ANK2: variants seen among roughly 807,000 people sequenced by gnomAD.
The protein encoded by ANK2 is ankyrin-2.
Under a neutral mutation model 360.5 loss-of-function variants are expected in ANK2, and 83 were observed. That is an observed-to-expected ratio of 0.23 (90% confidence interval 0.19 to 0.28). The LOEUF is 0.28. Ranked by LOEUF, ANK2 falls within the 10% of genes least tolerant of loss-of-function variation. ANK2 has a pLI of 1.00. For synonymous variants in ANK2, 1,740 were observed against 1,759.5 expected, an observed-to-expected ratio of 0.99 and a Z score of 0.28; for missense variants, 4,201 against 4,795.7, an observed-to-expected ratio of 0.88 and a Z score of 3.66.
chr4:113,372,529 C>T (rs911427256), intron 43 of ANK2: 2 of 1,529,438 alleles, frequency 1.3e-6, no homozygotes, highest in Non-Finnish European at 1.8e-6. Flanking sequence ...CATGCTTCCA[C>T]CAGGAGCTAA....
intron 2 of ANK2, among the ~76,000 whole-genome samples, chr4:112,919,423 G>A (rs753271686): frequency 2.6e-5 from 4 of 151,792 alleles, no homozygotes; most frequent in Non-Finnish European, 4.4e-5. Context: ...CATTAGTGTC[G>A]GTTGAAGTCC....
rs1554193694 is a variant in ANK2 at position 113,152,079 on chromosome 4, GAAAAAAA to G, written c.85-22328_85-22322del. 9.0e-4 allele frequency among the ~76,000 whole-genome samples: 23 copies of G among 25,500 alleles called. No homozygotes were observed. In the Middle Eastern group the frequency reaches 0.061, roughly 67 times the overall value. The allele number at this position is 25,500 out of a possible 152,430, so 16.7% of individuals were successfully genotyped here. On this transcript the variant is annotated intron_variant, in intron 1 of 45. Transcript: ENST00000357077. ...AGTCTCTGTCTCAAAAAAAAAAAAA[GAAAAAAA>G]AAAAAAAAGAAAAAAGAAGGAAAGA...
rs151120294 is a variant in ANK2, at chr4:113,160,144, C to T, written c.85-14272C>T. On this transcript the variant is annotated intron_variant, in intron 1 of 45. Transcript: ENST00000357077. ...CTTCAGCTGTATGATAGTAATGATACAGACACACTTTACTCATTAACCCTT... is the reference window on the plus strand; with the variant it reads ...CTTCAGCTGTATGATAGTAATGATATAGACACACTTTACTCATTAACCCTT... Among the ~76,000 whole-genome samples, 207 of 152,220 alleles carry T rather than the reference C, an allele frequency of 1.4e-3. 3 individuals carry two copies. The highest frequency in any genetic ancestry group is 4.4e-3 in the African/African-American group (183 of 41,540).
At chr4:113,237,725 A>C in intron 7 of ANK2, 103 bp downstream of exon 7, 1 of 1,082,630 alleles carries the variant, frequency 9.2e-7, no homozygotes, top group Non-Finnish European at 1.4e-6. Flanking sequence ...TAGAAGTTTG[A>C]TTAATGGGAA....
At chr4:113,058,637 G>A (rs2071403019) in intron 1 of ANK2, among the ~76,000 whole-genome samples, 1 of 152,052 alleles carries the variant, frequency 6.6e-6, no homozygotes, top group South Asian at 2.1e-4. Flanking sequence ...AGGGTATGGT[G>A]GCGGGATGCC....
intron 4 of ANK2, among the ~76,000 whole-genome samples, chr4:113,205,051 C>T (rs1378601785): frequency 5.3e-5 from 8 of 151,970 alleles, no homozygotes; most frequent in Non-Finnish European, 1.2e-4. Flanking sequence ...CTGGCTAACA[C>T]GGTGAAACCC....
At chr4:112,743,327 G>A in the ANK2 span, among the ~76,000 whole-genome samples, 2 of 151,696 alleles carry the variant, frequency 1.3e-5, no homozygotes, top group African/African-American at 2.4e-5. Context: ...TACAATATTG[G>A]TTTTTCACAT....
chr4:113,130,001 CTTCTT>C (rs2095908858), intron 1 of ANK2, among the ~76,000 whole-genome samples: 1 of 152,148 alleles, frequency 6.6e-6, no homozygotes, highest in Non-Finnish European at 1.5e-5. Flanking sequence ...ATAACTGTCT[CTTCTT>C]CCACTTCTTT....
chr4:112,726,320 A>G, the ANK2 span, among the ~76,000 whole-genome samples: 4 of 152,168 alleles, frequency 2.6e-5, no homozygotes, highest in African/African-American at 9.7e-5. Context: ...AATAAAATGT[A>G]GGTATTATAT....
chr4:113,209,450 C>T (rs1010429257), intron 4 of ANK2, among the ~76,000 whole-genome samples: 3 of 151,804 alleles, frequency 2.0e-5, no homozygotes, highest in Non-Finnish European at 4.4e-5. Flanking sequence ...TTTTGTAGGC[C>T]CTCTGAACGG....
At chr4:113,334,217 C>T (rs1433128613) in intron 29 of ANK2, among the ~76,000 whole-genome samples, 1 of 152,140 alleles carries the variant, frequency 6.6e-6, no homozygotes. Context: ...AGAGGCCAGG[C>T]TTATCTTATC....
the ANK2 span, among the ~76,000 whole-genome samples, chr4:112,783,979 G>T: frequency 6.6e-6 from 1 of 151,950 alleles, no homozygotes; most frequent in Non-Finnish European, 1.5e-5. Flanking sequence ...ACGTATTGTG[G>T]TATACTCATA....
intron 1 of ANK2, among the ~76,000 whole-genome samples, chr4:112,850,249 C>CATCCATCT (rs1437200079): frequency 6.4e-4 from 89 of 139,352 alleles, no homozygotes; most frequent in African/African-American, 2.2e-3. Context: ...TAAGAAATTT[C>CATCCATCT]ATCTATCTAT....
At chr4:113,082,831 A>C (rs2082949351) in intron 1 of ANK2, among the ~76,000 whole-genome samples, 1 of 152,190 alleles carries the variant, frequency 6.6e-6, no homozygotes, top group African/African-American at 2.4e-5. Flanking sequence ...TTATATATTT[A>C]GTGTTCATTT....
At chr4:112,766,072 T>A in the ANK2 span, among the ~76,000 whole-genome samples, 3 of 152,182 alleles carry the variant, frequency 2.0e-5, no homozygotes, top group East Asian at 3.8e-4. Context: ...CAGTGGTTCA[T>A]GCCTGTAATT....
chr4:113,216,360 A>G (rs961364901), intron 4 of ANK2, among the ~76,000 whole-genome samples: 2 of 152,226 alleles, frequency 1.3e-5, no homozygotes, highest in Non-Finnish European at 2.9e-5. Context: ...GGGAAGCACT[A>G]TATATTGACA....
chr4:112,825,518 G>A (rs1398642200), intron 1 of ANK2, among the ~76,000 whole-genome samples: 2 of 152,120 alleles, frequency 1.3e-5, no homozygotes, highest in Non-Finnish European at 2.9e-5. Context: ...TTTTGAGGAA[G>A]TATCACAAGT....
At chr4:113,001,033 T>TA (rs2050438096) in intron 2 of ANK2, among the ~76,000 whole-genome samples, 1 of 152,164 alleles carries the variant, frequency 6.6e-6, no homozygotes, top group African/African-American at 2.4e-5. Context: ...TCCTTTCTTT[T>TA]TCCTTAAAAA....
chr4:113,342,825 C>T (rs1466508244), intron 33 of ANK2, among the ~76,000 whole-genome samples, 192 bp from the exon 34 acceptor site: 1 of 152,126 alleles, frequency 6.6e-6, no homozygotes, highest in Non-Finnish European at 1.5e-5. Flanking sequence ...ATTAAAGATT[C>T]CCATTACTAG....
Sources: gnomAD v4.1 joint callset for allele counts (sites outside exome capture counted in the v4.1 genomes callset) on GRCh38, gnomAD v4.1.1 for gene constraint, MANE v1.5 for transcripts, NCBI Gene and HGNC (gene_info 2026-07-23, HGNC 2026-07-21) for gene names.